The following MTMR14 variants were observed in gnomAD, a reference collection of about 807,000 sequenced individuals.
The protein encoded by MTMR14 is phosphatidylinositol-3,5-bisphosphate 3-phosphatase MTMR14.
Under a neutral mutation model 86.3 loss-of-function variants are expected in MTMR14, and 48 were observed. The observed-to-expected ratio is 0.56, with a 90% CI of 0.44 to 0.71. The LOEUF is 0.71. Ranked by LOEUF, MTMR14 falls within the 30% of genes least tolerant of loss-of-function variation. The pLI, the probability that MTMR14 is intolerant of heterozygous loss-of-function variation, is 0.00. For synonymous variants in MTMR14, 366 were observed against 326.1 expected (o/e 1.12, Z -1.32); for missense variants, 780 against 834.6 (o/e 0.93, Z 0.81).
chr3:9,691,342 C>T (rs1249112225), intron 17 of MTMR14, among the ~76,000 whole-genome samples: 1 of 152,230 alleles, frequency 6.6e-6, no homozygotes, highest in African/African-American at 2.4e-5. Context: ...GCCGGTGCCC[C>T]GTCCCATCCT....
intron 17 of MTMR14, among the ~76,000 whole-genome samples, chr3:9,694,287 T>C (rs2076219527): frequency 6.6e-6 from 1 of 151,974 alleles, no homozygotes; most frequent in Non-Finnish European, 1.5e-5. Context: ...AGCTCAGTTA[T>C]TTTATCCTGT....
At chr3:9,652,870 A>C (rs1224058016) in intron 1 of MTMR14, among the ~76,000 whole-genome samples, 10 of 152,132 alleles carry the variant, frequency 6.6e-5, no homozygotes, top group Non-Finnish European at 2.9e-5. Flanking sequence ...TGAACCCAGG[A>C]GGCTGAGGTT....
intron 16 of MTMR14, among the ~76,000 whole-genome samples, chr3:9,689,550 C>T (rs972594936): frequency 2.0e-5 from 3 of 152,124 alleles, no homozygotes; most frequent in African/African-American, 7.2e-5. Context: ...ATAACAAAGT[C>T]CTGAGTGGTG....
chr3:9,697,833 T>C lies in MTMR14; in HGVS notation c.1736T>C (p.Phe579Ser). The change falls in exon 18 of 19, where the codon TTC becomes TCC. Residue 579 changes from phenylalanine to serine, a missense_variant. Transcript: ENST00000296003. ...CTGCACACAGACTCCTCTCTCCCTT[T>C]CAGCTTCCCGGATGAGCTCCCTAAC... ...AVLHTDSSLP[F>S]SFPDELPNSC... 6.2e-7 allele frequency: 1 copy of C among 1,614,208 alleles called. No individual in the cohort carries two copies. The highest frequency in any genetic ancestry group is 1.7e-5 in the Admixed American group (1 of 60,020).
intron 14 of MTMR14, 21 bp downstream of exon 14, chr3:9,687,912 G>A (rs1334555317): frequency 2.0e-5 from 31 of 1,574,908 alleles, no homozygotes; most frequent in Non-Finnish European, 2.7e-5. Context: ...GCCTGCACGT[G>A]TCATGCTGGG....
chr3:9,677,936 C>T lies in MTMR14; in HGVS notation c.823-48C>T, dbSNP rs898164282. 6.3e-7 allele frequency: 1 copy of T among 1,588,108 alleles called. No individual in the cohort carries two copies. ...CTGCAAGCTTCCCCATCACCTAAGCCTCCTCTGGTGGCCAACCCACATCTC... is the reference window on the plus strand; with the variant it reads ...CTGCAAGCTTCCCCATCACCTAAGCTTCCTCTGGTGGCCAACCCACATCTC... On this transcript the variant is annotated intron_variant, in intron 8 of 18. Transcript: ENST00000296003. The surrounding 1 kb of genome is among the most constrained non-coding windows in gnomAD (Gnocchi z 4.2).
At chr3:9,672,128 T>C (rs1309015959) in intron 6 of MTMR14, among the ~76,000 whole-genome samples, 1 of 152,202 alleles carries the variant, frequency 6.6e-6, no homozygotes, top group African/African-American at 2.4e-5. Flanking sequence ...TGTGTGCATT[T>C]TGGGGTCAGG....
intron 3 of MTMR14, among the ~76,000 whole-genome samples, chr3:9,663,761 C>T (rs748179537): frequency 1.3e-5 from 2 of 151,626 alleles, no homozygotes; most frequent in Admixed American, 1.3e-4. Context: ...GATCCTCCTG[C>T]CTCGGCCTCC....
intron 9 of MTMR14, among the ~76,000 whole-genome samples, chr3:9,678,804 G>A (rs1015542769): frequency 6.6e-6 from 1 of 152,170 alleles, no homozygotes; most frequent in African/African-American, 2.4e-5. Flanking sequence ...ATCCATCATG[G>A]AATTTTCCAC....
At chr3:9,659,625 G>T (rs144677534) in intron 2 of MTMR14, 28 of 447,282 alleles carry the variant, frequency 6.3e-5, no homozygotes, top group African/African-American at 5.0e-4. Context: ...TGTAGTTTTA[G>T]TATAGACGGG....
At chr3:9,694,748 G>T (rs1389515899) in intron 17 of MTMR14, among the ~76,000 whole-genome samples, 2 of 152,188 alleles carry the variant, frequency 1.3e-5, no homozygotes, top group African/African-American at 2.4e-5. Context: ...AGCTCGGTTT[G>T]TGTGAGTATT....
At chr3:9,700,561 T>C (rs2076422746) in intron 18 of MTMR14, 1 of 152,204 alleles carries the variant, frequency 6.6e-6, no homozygotes, top group Non-Finnish European at 1.5e-5. Context: ...GAAGAGGGGC[T>C]TTCATCTGTG....
chr3:9,661,903 G>A (rs757884221), intron 2 of MTMR14, among the ~76,000 whole-genome samples: 3 of 151,872 alleles, frequency 2.0e-5, no homozygotes, highest in Non-Finnish European at 2.9e-5. Context: ...CCTGGCCAAC[G>A]TGGTGAAACC....
intron 17 of MTMR14, among the ~76,000 whole-genome samples, chr3:9,691,859 T>G (rs1358711025): frequency 6.6e-6 from 1 of 152,052 alleles, no homozygotes; most frequent in African/African-American, 2.4e-5. Context: ...TGGACCAAGA[T>G]GGGTGCAAGG....
At chr3:9,656,366 T>C (rs1363129643) in intron 2 of MTMR14, among the ~76,000 whole-genome samples, 1 of 152,096 alleles carries the variant, frequency 6.6e-6, no homozygotes, top group African/African-American at 2.4e-5. Context: ...GTTATGGCCC[T>C]GTTATTTATG....
intron 17 of MTMR14, among the ~76,000 whole-genome samples, chr3:9,697,023 C>G (rs183751338): frequency 6.6e-6 from 1 of 152,110 alleles, no homozygotes; most frequent in Non-Finnish European, 1.5e-5. Context: ...CCTCCCACCC[C>G]CAAAACCTCC....
intron 17 of MTMR14, among the ~76,000 whole-genome samples, chr3:9,694,744 G>C (rs1433757673): frequency 6.6e-6 from 1 of 152,218 alleles, no homozygotes; most frequent in African/African-American, 2.4e-5. Context: ...AGCCAGCTCG[G>C]TTTGTGTGAG....
intron 5 of MTMR14, 85 bp downstream of exon 5, chr3:9,669,577 G>T (rs2048460972): frequency 4.2e-6 from 6 of 1,425,556 alleles, no homozygotes; most frequent in Non-Finnish European, 5.8e-6. Context: ...TTGTCCGTGG[G>T]TATTTGTCAC....
At chr3:9,689,751 C>T (rs991094524) in intron 16 of MTMR14, among the ~76,000 whole-genome samples, 12 of 152,222 alleles carry the variant, frequency 7.9e-5, no homozygotes, top group Admixed American at 3.9e-4. Context: ...TACTTCAAGA[C>T]CAGTAGGCTG....
Sources: gnomAD v4.1 joint callset for allele counts (sites outside exome capture counted in the v4.1 genomes callset) on GRCh38, gnomAD v4.1.1 for gene constraint, Gnocchi (gnomAD v3.1) non-coding constraint, MANE v1.5 for transcripts, NCBI Gene and HGNC (gene_info 2026-07-23, HGNC 2026-07-21) for gene names.